NCAM2: variants seen among roughly 807,000 people sequenced by gnomAD.
NCAM2 encodes N-CAM-2.
In NCAM2, 30 loss-of-function variants were observed where a neutral mutation model predicts 98.1. That is an observed-to-expected ratio of 0.31 (90% CI 0.23 to 0.41). NCAM2 has a LOEUF of 0.41. Among genes scored for constraint, NCAM2 ranks in the 10% least tolerant of loss-of-function variants. The pLI is 1.00. For synonymous variants in NCAM2, 368 were observed against 342.4 expected (o/e 1.07, Z -0.83); for missense variants, 867 against 1,005.8 (o/e 0.86, Z 1.87).
At chr21:21,147,894 GATA>G (rs2067333442) in intron 1 of NCAM2, among the ~76,000 whole-genome samples, 2 of 150,810 alleles carry the variant, frequency 1.3e-5, no homozygotes, top group African/African-American at 2.4e-5. Context: ...TAATATATAG[GATA>G]ATAATAGGAT....
intron 1 of NCAM2, among the ~76,000 whole-genome samples, chr21:21,078,888 A>G (rs1019546145): frequency 7.2e-5 from 11 of 152,194 alleles, no homozygotes; most frequent in South Asian, 2.1e-4. Flanking sequence ...TTTTGCAGGG[A>G]TATGGATGAA....
intron 1 of NCAM2, among the ~76,000 whole-genome samples, chr21:21,093,998 G>T (rs1454766920): frequency 6.6e-6 from 1 of 151,776 alleles, no homozygotes; most frequent in Non-Finnish European, 1.5e-5. Flanking sequence ...AAGAATTCTC[G>T]TCAAATTGGT....
At chr21:21,513,575 A>G (rs1216189695) in intron 16 of NCAM2, among the ~76,000 whole-genome samples, 3 of 151,744 alleles carry the variant, frequency 2.0e-5, no homozygotes, top group East Asian at 1.9e-4. Flanking sequence ...TATGATTTCA[A>G]TTTTTTGGAA....
At chr21:21,042,993 A>C (rs2064936693) in intron 1 of NCAM2, among the ~76,000 whole-genome samples, 1 of 152,212 alleles carries the variant, frequency 6.6e-6, no homozygotes, top group Admixed American at 6.5e-5. Context: ...AATATAACTT[A>C]CTCAAGCATT....
At chr21:21,028,814 C>T (rs1465877921) in intron 1 of NCAM2, among the ~76,000 whole-genome samples, 1 of 152,126 alleles carries the variant, frequency 6.6e-6, no homozygotes, top group Non-Finnish European at 1.5e-5. Flanking sequence ...TCGTATTTAA[C>T]ATTCTGTTGG....
rs928886288 is a variant in NCAM2, at chr21:21,402,744, C to T, written c.1196-7530C>T. On this transcript the variant is annotated intron_variant, in intron 9 of 17. Coordinates refer to ENST00000400546, the MANE Select transcript of NCAM2 (RefSeq NM_004540.5). ...CCCTAGTGGCCCAGCTGTAAAATTC[C>T]TCTCTTTGTACTCTTTCTCTTTATT... is the stretch of plus-strand genomic sequence containing the variant. Among the ~76,000 whole-genome samples, 2 of 152,090 alleles carry T rather than the reference C, an allele frequency of 1.3e-5. 1 individual carries two copies. Among genetic ancestry groups the T allele is most frequent in the South Asian group, 4.1e-4 (2 of 4,822 alleles).
chr21:21,404,961 A>T (rs961966272), intron 9 of NCAM2, among the ~76,000 whole-genome samples: 3 of 151,806 alleles, frequency 2.0e-5, no homozygotes, highest in Admixed American at 1.3e-4. Flanking sequence ...TAAAAATTTA[A>T]AGAGACTCCA....
At chr21:21,188,679 T>C (rs2068719023) in intron 1 of NCAM2, among the ~76,000 whole-genome samples, 1 of 152,186 alleles carries the variant, frequency 6.6e-6, no homozygotes, top group Non-Finnish European at 1.5e-5. Context: ...CAAATGTGTG[T>C]AAATTGTAGA....
intron 16 of NCAM2, among the ~76,000 whole-genome samples, chr21:21,527,133 A>C (rs540325216): frequency 6.9e-6 from 1 of 144,890 alleles, no homozygotes; most frequent in African/African-American, 2.6e-5. Context: ...TTTTTTTGAG[A>C]TGGAGTCTCG....
chr21:21,314,909 A>G (rs2074172003), intron 5 of NCAM2, among the ~76,000 whole-genome samples: 1 of 152,198 alleles, frequency 6.6e-6, no homozygotes, highest in Non-Finnish European at 1.5e-5. Context: ...GCTTTAAAAT[A>G]GCTTTTAGAT....
At chr21:21,048,546 G>T (rs2146285610) in intron 1 of NCAM2, among the ~76,000 whole-genome samples, 1 of 152,180 alleles carries the variant, frequency 6.6e-6, no homozygotes, top group South Asian at 2.1e-4. Flanking sequence ...GTAGAGACAG[G>T]GTTTCACTGT....
At chr21:21,443,942 T>C (rs1979693327) in intron 12 of NCAM2, among the ~76,000 whole-genome samples, 1 of 152,146 alleles carries the variant, frequency 6.6e-6, no homozygotes, top group South Asian at 2.1e-4. Flanking sequence ...ATAATTCTAG[T>C]TTTTGCCCAT....
chr21:21,333,964 AT>A lies in NCAM2; in HGVS notation c.738-1531del, dbSNP rs540785972. Among the ~76,000 whole-genome samples the A allele has an allele frequency of 3.5e-3, 524 of 149,642 alleles. 7 individuals carry two copies. The highest frequency in any genetic ancestry group is 5.4e-3 in the African/African-American group (220 of 40,906). On this transcript the variant is annotated intron_variant, in intron 6 of 17. Transcript: ENST00000400546. ...AGATACTATATATGCATTTATTATT[AT>A]TTTTTTTTTCGGACACAGTCTCACT...
intron 1 of NCAM2, among the ~76,000 whole-genome samples, chr21:21,056,490 C>CTCTGTG (rs1555877332): frequency 1.4e-5 from 2 of 138,434 alleles, no homozygotes; most frequent in East Asian, 2.2e-4. Context: ...AGAGATATGT[C>CTCTGTG]TGTGTGTGTG....
intron 8 of NCAM2, among the ~76,000 whole-genome samples, chr21:21,361,836 T>C (rs1040454960): frequency 4.6e-5 from 7 of 152,302 alleles, no homozygotes; most frequent in African/African-American, 1.7e-4. Flanking sequence ...TTTTTCTGTT[T>C]AGGAAAATGC....
At chr21:21,152,494 T>C (rs1337942676) in intron 1 of NCAM2, among the ~76,000 whole-genome samples, 2 of 151,972 alleles carry the variant, frequency 1.3e-5, no homozygotes, top group Non-Finnish European at 2.9e-5. Context: ...TAGACGTTGG[T>C]ATTTTCCTTT....
chr21:21,341,708 CTTTT>C (rs5842918), intron 8 of NCAM2, among the ~76,000 whole-genome samples: 1 of 142,740 alleles, frequency 7.0e-6, no homozygotes, highest in African/African-American at 2.6e-5. Context: ...TAACAATATT[CTTTT>C]TTTTTTTTTT....
In NCAM2 at chr21:21,292,290, G is replaced by A. The variant is rs549856274; in HGVS notation, c.619+49G>A. 2.6e-6 allele frequency: 4 copies of A among 1,561,658 alleles called. No individual in the cohort carries two copies. In the East Asian group the frequency reaches 6.9e-5, roughly 27 times the overall value. ...TGTTTTATGGATTCATTTTAGCAAT[G>A]TTTTTTATTAAATGGCAACCATGTG... On this transcript the variant is annotated intron_variant, in intron 5 of 17. Transcript: ENST00000400546.
chr21:21,206,502 A>G (rs1389675211), intron 1 of NCAM2, among the ~76,000 whole-genome samples: 4 of 152,172 alleles, frequency 2.6e-5, no homozygotes, highest in Non-Finnish European at 5.9e-5. Context: ...ATGTTGAAAT[A>G]TCATATAGTC....
Sources: allele counts gnomAD v4.1 joint callset (sites outside exome capture counted in the v4.1 genomes callset), GRCh38; gene constraint gnomAD v4.1.1; transcripts MANE v1.5; gene names NCBI Gene and HGNC (gene_info 2026-07-23, HGNC 2026-07-21).